PYM1: variants seen among roughly 807,000 people sequenced by gnomAD.
PYM1 encodes the protein partner of Y14 and mago.
A neutral mutation model predicts 20.7 loss-of-function variants in PYM1; 7 were observed. The observed-to-expected ratio is 0.34, with a 90% CI of 0.19 to 0.64. PYM1 has a LOEUF of 0.64. Among genes scored for constraint, PYM1 ranks in the 30% least tolerant of loss-of-function variants. The pLI is 0.74. For missense variants in PYM1, 194 were observed against 250.0 expected (o/e 0.78, Z 1.51); for synonymous variants, 100 against 99.2 (o/e 1.01, Z -0.05).
chr12:55,927,477 G>A (rs989914619), intron 1 of PYM1: 8 of 691,770 alleles, frequency 1.2e-5, no homozygotes, highest in South Asian at 1.1e-4. Context: ...CCTTATAAAT[G>A]AAGAAAGGAA....
chr12:55,914,431 A>G lies in PYM1; in HGVS notation c.38-10951T>C, dbSNP rs1337680994. The stretch of plus-strand genomic sequence containing the variant: ...GATAATATCTTGCAGAGAGTCAAAA[A>G]CTAGAGATTGGGGACTGCTACTGTA... On this transcript the variant is annotated intron_variant, in intron 1 of 2. Transcript: ENST00000408946. 11 of 693,394 alleles carry G rather than the reference A, an allele frequency of 1.6e-5. No individual in the cohort carries two copies. In the African/African-American group the frequency reaches 1.9e-4, roughly 12 times the overall value. 43.0% of individuals were successfully genotyped at this position (693,394 alleles called of 1,614,324 possible). A position where few individuals can be genotyped will look rare whatever the true frequency, so the allele number is the denominator to read the frequency against.
At chr12:55,919,149 CATTTT>C (rs1389119119) in intron 1 of PYM1, among the ~76,000 whole-genome samples, 1 of 152,012 alleles carries the variant, frequency 6.6e-6, no homozygotes, top group Non-Finnish European at 1.5e-5. Flanking sequence ...ACATTATTTG[CATTTT>C]ATTTTATTTA....
At chr12:55,926,697 T>G (rs1883193611) in intron 1 of PYM1, among the ~76,000 whole-genome samples, 1 of 151,708 alleles carries the variant, frequency 6.6e-6, no homozygotes, top group Non-Finnish European at 1.5e-5. Flanking sequence ...AAACCAAGTA[T>G]AGCTGAGATG....
intron 1 of PYM1, chr12:55,927,329 G>A: frequency 1.3e-6 from 1 of 768,196 alleles, no homozygotes. Flanking sequence ...ATTACTGAGC[G>A]CTTGCTGCCT....
chr12:55,927,792 G>A lies in PYM1; in HGVS notation c.-31C>T, dbSNP rs1326226904. 3 of 1,536,368 alleles carry A rather than the reference G, an allele frequency of 2.0e-6. No individual in the cohort carries two copies. Among genetic ancestry groups the A allele is most frequent in the Non-Finnish European group, 2.6e-6 (3 of 1,145,512 alleles). On this transcript the variant is annotated 5_prime_UTR_variant, in exon 1 of 3. Coordinates refer to ENST00000408946, the MANE Select transcript of PYM1 (RefSeq NM_032345.3). ...AAGAGGCAGCGGACCAGGTTGGGCG[G>A]GCGGCCCTGGCCTGGCTCTGCCCCG...
chr12:55,927,464 G>C (rs1228894038), intron 1 of PYM1: 1 of 692,878 alleles, frequency 1.4e-6, no homozygotes, highest in Non-Finnish European at 2.6e-6. Context: ...CCCAAAAAGG[G>C]GGCCTTATAA....
intron 1 of PYM1, chr12:55,926,950 G>T: frequency 9.9e-7 from 1 of 1,009,388 alleles, no homozygotes; most frequent in Non-Finnish European, 1.4e-6. Context: ...GAATGAATGG[G>T]GAAGGCGGTC....
intron 1 of PYM1, among the ~76,000 whole-genome samples, chr12:55,925,691 T>G (rs1344722851): frequency 6.6e-6 from 1 of 152,024 alleles, no homozygotes; most frequent in Non-Finnish European, 1.5e-5. Context: ...CTGGACATAG[T>G]AAAGGAAAAC....
At chr12:55,906,260 C>T (rs963207623) in intron 1 of PYM1, among the ~76,000 whole-genome samples, 2 of 151,454 alleles carry the variant, frequency 1.3e-5, no homozygotes, top group African/African-American at 4.9e-5. Context: ...TTCATGCTTA[C>T]TTCCCATGAG....
intron 1 of PYM1, among the ~76,000 whole-genome samples, chr12:55,905,130 T>C (rs1188649466): frequency 1.3e-5 from 2 of 150,040 alleles, no homozygotes; most frequent in Admixed American, 6.6e-5. Context: ...GCCTCCCGAG[T>C]AGCTGGGACT....
At chr12:55,924,833 T>C (rs564469337) in intron 1 of PYM1, among the ~76,000 whole-genome samples, 22 of 152,150 alleles carry the variant, frequency 1.4e-4, no homozygotes, top group Non-Finnish European at 3.1e-4. Context: ...CACGCCACCA[T>C]GCCACCACAC....
At chr12:55,921,824 T>C (rs970957986) in intron 1 of PYM1, among the ~76,000 whole-genome samples, 3 of 152,186 alleles carry the variant, frequency 2.0e-5, no homozygotes, top group African/African-American at 7.2e-5. Flanking sequence ...CATATTGATA[T>C]ACATAAATTA....
Position 55,907,463 on chromosome 12 carries a change from CAAAAAAAAA to C in PYM1, c.38-3992_38-3984del, listed in dbSNP as rs770960966. Among the ~76,000 whole-genome samples, 9 of 51,986 alleles carry C rather than the reference CAAAAAAAAA, an allele frequency of 1.7e-4. No individual in the cohort carries two copies. The East Asian group carries it at 2.2e-3, about 13-fold the overall frequency. 34.1% of individuals were successfully genotyped at this position (51,986 alleles called of 152,430 possible). A position where few individuals can be genotyped will look rare whatever the true frequency, so the allele number is the denominator to read the frequency against. On this transcript the variant is annotated intron_variant, in intron 1 of 2. Transcript: ENST00000408946. ...ACAAAACCCTGTCTCTACATAAATA[CAAAAAAAAA>C]AAAAAAAAAAAATTAGCCGGGCACG...
At chr12:55,919,053 C>T (rs1203593522) in intron 1 of PYM1, among the ~76,000 whole-genome samples, 2 of 152,226 alleles carry the variant, frequency 1.3e-5, no homozygotes, top group African/African-American at 4.8e-5. Context: ...AACAGCAAGG[C>T]TTAAATGAGT....
intron 1 of PYM1, among the ~76,000 whole-genome samples, chr12:55,917,988 A>C (rs1883036555): frequency 6.6e-6 from 1 of 152,012 alleles, no homozygotes; most frequent in Non-Finnish European, 1.5e-5. Flanking sequence ...CAAAAAAAAA[A>C]CTTAACTATT....
intron 1 of PYM1, among the ~76,000 whole-genome samples, chr12:55,908,546 T>C (rs1235982909): frequency 6.6e-6 from 1 of 152,010 alleles, no homozygotes; most frequent in Non-Finnish European, 1.5e-5. Context: ...AATGCAAATA[T>C]CATTAATACA....
At chr12:55,906,138 A>G (rs1180698416) in intron 1 of PYM1, among the ~76,000 whole-genome samples, 3 of 150,112 alleles carry the variant, frequency 2.0e-5, no homozygotes, top group African/African-American at 7.3e-5. Flanking sequence ...CTGAATTACC[A>G]TAGTTTGTCA....
chr12:55,923,383 G>A (rs1883133322), intron 1 of PYM1, among the ~76,000 whole-genome samples: 1 of 151,858 alleles, frequency 6.6e-6, no homozygotes, highest in African/African-American at 2.4e-5. Context: ...CTGGGCAACA[G>A]AGCAAGACCG....
intron 1 of PYM1, among the ~76,000 whole-genome samples, chr12:55,910,945 G>A (rs993532715): frequency 2.6e-5 from 4 of 151,176 alleles, no homozygotes; most frequent in African/African-American, 9.7e-5. Flanking sequence ...AGATTGTGGA[G>A]ACCAAGGTTC....
Sources: gnomAD v4.1 joint callset for allele counts (sites outside exome capture counted in the v4.1 genomes callset) on GRCh38, gnomAD v4.1.1 for gene constraint, MANE v1.5 for transcripts, NCBI Gene and HGNC (gene_info 2026-07-23, HGNC 2026-07-21) for gene names.